SHISA6: variants seen among roughly 807,000 people sequenced by gnomAD.
SHISA6 encodes the protein shisa family member 6, also known as protein shisa-6.
SHISA6 carries 22 observed loss-of-function variants against 47.9 expected under a neutral mutation model. The observed-to-expected ratio is 0.46, with a 90% CI of 0.33 to 0.66. The LOEUF (loss-of-function observed/expected upper bound fraction) is 0.66, where lower values mean the gene tolerates loss of function less well. Among genes scored for constraint, SHISA6 ranks in the 30% least tolerant of loss-of-function variants. The pLI is 0.02. For missense variants in SHISA6, 680 were observed against 764.6 expected (o/e 0.89, Z 1.30); for synonymous variants, 388 against 337.8 (o/e 1.15, Z -1.63).
intron 3 of SHISA6, among the ~76,000 whole-genome samples, chr17:11,513,903 G>T (rs547807770): frequency 5.3e-5 from 8 of 152,274 alleles, no homozygotes; most frequent in Admixed American, 1.3e-4. Flanking sequence ...CCAGACAATT[G>T]CGGGACTCTC....
Position 11,251,543 on chromosome 17 carries a change from C to T in SHISA6, c.638+9483C>T, listed in dbSNP as rs531479277. Among the ~76,000 whole-genome samples, 8 of 151,960 alleles carry T rather than the reference C, an allele frequency of 5.3e-5. No individual in the cohort carries two copies. The East Asian group carries it at 5.8e-4, about 11-fold the overall frequency. On this transcript the variant is annotated intron_variant, in intron 1 of 5. Transcript: ENST00000441885. The stretch of plus-strand genomic sequence containing the variant: ...GAGAGAAAAGAGGCGATTTGGGAGG[C>T]GGTATGGACCTAGGGATATTTCTAG...
chr17:11,360,997 G>A (rs1227916639), intron 2 of SHISA6, among the ~76,000 whole-genome samples: 1 of 148,786 alleles, frequency 6.7e-6, no homozygotes, highest in African/African-American at 2.5e-5. Context: ...TTTGAATGTC[G>A]TCTTTATCAT....
intron 2 of SHISA6, among the ~76,000 whole-genome samples, chr17:11,377,426 G>A (rs540752757): frequency 3.9e-5 from 6 of 152,282 alleles, no homozygotes; most frequent in Middle Eastern, 3.4e-3. Context: ...CCTGATGCAC[G>A]AAGGCATTAC....
intron 2 of SHISA6, among the ~76,000 whole-genome samples, chr17:11,278,685 G>A (rs763314720): frequency 3.3e-5 from 5 of 152,318 alleles, no homozygotes; most frequent in African/African-American, 7.2e-5. Flanking sequence ...GCAGCTGGGC[G>A]AAGGCCACAT....
intron 2 of SHISA6, among the ~76,000 whole-genome samples, chr17:11,372,993 C>A (rs1912677123): frequency 6.6e-6 from 1 of 151,878 alleles, no homozygotes; most frequent in South Asian, 2.1e-4. Flanking sequence ...TTTTCTGGGG[C>A]AACTCCAGTA....
At chr17:11,383,329 G>A (rs374771025) in intron 3 of SHISA6, among the ~76,000 whole-genome samples, 11 of 152,146 alleles carry the variant, frequency 7.2e-5, no homozygotes, top group Admixed American at 5.9e-4. Flanking sequence ...AAGGGCCTGG[G>A]GGTAAGAATG....
At chr17:11,292,223 T>A (rs1054134964) in intron 2 of SHISA6, among the ~76,000 whole-genome samples, 9 of 152,136 alleles carry the variant, frequency 5.9e-5, no homozygotes, top group African/African-American at 1.9e-4. Flanking sequence ...TATAGTCACA[T>A]TCTTAGGTTC....
intron 2 of SHISA6, among the ~76,000 whole-genome samples, chr17:11,313,483 G>A (rs1910403157): frequency 6.6e-6 from 1 of 152,108 alleles, no homozygotes; most frequent in South Asian, 2.1e-4. Context: ...AGGTATTCTA[G>A]GGACATGATA....
rs74784326 is a variant in SHISA6, at chr17:11,467,520, G to A, written c.896-84376G>A. On this transcript the variant is annotated intron_variant, in intron 3 of 5. Coordinates refer to ENST00000441885, the MANE Select transcript of SHISA6 (RefSeq NM_207386.4). Reference sequence around the variant, plus strand: ...TTCCTTCATTAATGAAGAAAAGCTAGAGGAAAGTGAGACAAGAGAGGGACC... The same window carrying A: ...TTCCTTCATTAATGAAGAAAAGCTAAAGGAAAGTGAGACAAGAGAGGGACC... Among the ~76,000 whole-genome samples the A allele has an allele frequency of 5.3e-3, 808 of 152,266 alleles. 9 individuals carry two copies. The highest frequency in any genetic ancestry group is 0.019 in the African/African-American group (774 of 41,544).
intron 3 of SHISA6, among the ~76,000 whole-genome samples, chr17:11,534,157 C>CTTTTTTTTTTTTTTT (rs373384700): frequency 2.1e-5 from 2 of 93,190 alleles, no homozygotes; most frequent in African/African-American, 8.6e-5. Flanking sequence ...TCTTTTTTTT[C>CTTTTTTTTTTTTTTT]TTTTTTTTTT....
At chr17:11,291,353 A>G (rs1464834055) in intron 2 of SHISA6, among the ~76,000 whole-genome samples, 1 of 152,060 alleles carries the variant, frequency 6.6e-6, no homozygotes, top group Non-Finnish European at 1.5e-5. Flanking sequence ...GACTTAAACA[A>G]CACGGATTTT....
chr17:11,285,098 C>T (rs182444421), intron 2 of SHISA6, among the ~76,000 whole-genome samples: 119 of 152,310 alleles, frequency 7.8e-4, no homozygotes, highest in Non-Finnish European at 1.4e-3. Context: ...TCACTGACTC[C>T]AAGGTTTAAT....
At chr17:11,458,289 A>AATG (rs1244051588) in intron 3 of SHISA6, among the ~76,000 whole-genome samples, 1 of 152,114 alleles carries the variant, frequency 6.6e-6, no homozygotes, top group Non-Finnish European at 1.5e-5. Flanking sequence ...ACCTTAATGA[A>AATG]ATGATGAAAA....
At chr17:11,505,840 C>A (rs1487855799) in intron 3 of SHISA6, among the ~76,000 whole-genome samples, 1 of 152,140 alleles carries the variant, frequency 6.6e-6, no homozygotes, top group African/African-American at 2.4e-5. Flanking sequence ...TAGGATAAAA[C>A]CCTGCCATTC....
intron 2 of SHISA6, chr17:11,290,953 TTC>T (rs2142168851): frequency 6.6e-6 from 1 of 151,952 alleles, no homozygotes; most frequent in African/African-American, 2.4e-5. Flanking sequence ...AGCCCTGACT[TTC>T]TGCTAGGTTC....
chr17:11,388,413 C>T (rs1325271949), intron 3 of SHISA6, among the ~76,000 whole-genome samples: 1 of 151,976 alleles, frequency 6.6e-6, no homozygotes, highest in Non-Finnish European at 1.5e-5. Flanking sequence ...GAGGAACTCT[C>T]GGGTTCTGGG....
chr17:11,274,900 G>A (rs1456558523), intron 2 of SHISA6, among the ~76,000 whole-genome samples: 2 of 152,142 alleles, frequency 1.3e-5, no homozygotes, highest in Non-Finnish European at 1.5e-5. Flanking sequence ...GGGCAGGTAA[G>A]ATTGAATGGG....
intron 2 of SHISA6, among the ~76,000 whole-genome samples, chr17:11,319,325 C>T (rs574069230): frequency 7.2e-5 from 11 of 152,204 alleles, no homozygotes; most frequent in East Asian, 5.8e-4. Context: ...GTGATCCACC[C>T]GCCTCGCCCT....
chr17:11,379,676 G>A (rs536910632), intron 3 of SHISA6, 167 bp downstream of exon 3: 14 of 505,986 alleles, frequency 2.8e-5, no homozygotes, highest in African/African-American at 2.3e-4. Context: ...AGGAGTTACT[G>A]GAGGTCACAG....
Sources: allele counts gnomAD v4.1 joint callset (sites outside exome capture counted in the v4.1 genomes callset), GRCh38; gene constraint gnomAD v4.1.1; transcripts MANE v1.5; gene names NCBI Gene and HGNC (gene_info 2026-07-23, HGNC 2026-07-21).